The following SOX5 variants were observed in gnomAD, a reference collection of about 807,000 sequenced individuals.
SOX5 encodes the protein SRY-box transcription factor 5.
In SOX5, 9 loss-of-function variants were observed where a neutral mutation model predicts 92.0. The observed-to-expected ratio is 0.10, with a 90% CI of 0.06 to 0.17. The LOEUF (loss-of-function observed/expected upper bound fraction) is 0.17, where lower values mean the gene tolerates loss of function less well. Ranked by LOEUF, SOX5 falls within the 10% of genes least tolerant of loss-of-function variation. The probability of loss-of-function intolerance (pLI) is 1.00; values close to 1 mark genes in which losing one functional copy is unlikely to be tolerated. For synonymous variants in SOX5, 344 were observed against 336.3 expected (o/e 1.02, Z -0.25); for missense variants, 642 against 944.5 (o/e 0.68, Z 4.20).
intron 1 of SOX5, among the ~76,000 whole-genome samples, 173 bp downstream of exon 1, chr12:23,949,391 T>G (rs1208769098): frequency 6.6e-6 from 1 of 152,098 alleles, no homozygotes; most frequent in Non-Finnish European, 1.5e-5. Context: ...GCAAATCAGT[T>G]CAGTTTGGTC....
intron 9 of SOX5, among the ~76,000 whole-genome samples, chr12:23,588,299 T>C (rs1951024394): frequency 6.6e-6 from 1 of 152,054 alleles, no homozygotes; most frequent in Non-Finnish European, 1.5e-5. Flanking sequence ...ATCTTAATTA[T>C]AACGATTTTG....
intron 4 of SOX5, among the ~76,000 whole-genome samples, chr12:24,164,755 T>A (rs1953188228): frequency 1.3e-5 from 2 of 152,082 alleles, no homozygotes; most frequent in Non-Finnish European, 1.5e-5. Context: ...TATTATTGCT[T>A]CATTCCCCTA....
intron 8 of SOX5, among the ~76,000 whole-genome samples, chr12:23,623,574 A>T (rs2077426035): frequency 6.6e-6 from 1 of 152,122 alleles, no homozygotes; most frequent in Non-Finnish European, 1.5e-5. Flanking sequence ...TAAAAGACCT[A>T]CCTAAAGTGA....
At chr12:24,444,152 C>T (rs774887188) in intron 1 of SOX5, among the ~76,000 whole-genome samples, 11 of 152,026 alleles carry the variant, frequency 7.2e-5, no homozygotes, top group Non-Finnish European at 1.3e-4. Context: ...AAGGGAGGGA[C>T]GGGGATCTGT....
chr12:24,297,889 A>G (rs1947460553), intron 2 of SOX5, among the ~76,000 whole-genome samples: 1 of 152,060 alleles, frequency 6.6e-6, no homozygotes. Context: ...TCTACTCCCT[A>G]TTTCCTTAAA....
intron 3 of SOX5, among the ~76,000 whole-genome samples, chr12:23,773,869 A>G (rs917198694): frequency 3.3e-5 from 5 of 152,172 alleles, no homozygotes; most frequent in African/African-American, 1.2e-4. Flanking sequence ...GCAGGTTGCT[A>G]AATAAATCAG....
At chr12:24,048,945 T>C (rs563904380) in intron 4 of SOX5, among the ~76,000 whole-genome samples, 1 of 152,326 alleles carries the variant, frequency 6.6e-6, no homozygotes, top group Admixed American at 6.5e-5. Context: ...ATTGTGGTGA[T>C]GTTTGCACCA....
intron 8 of SOX5, among the ~76,000 whole-genome samples, chr12:23,608,997 G>A (rs868135971): frequency 3.9e-5 from 6 of 152,218 alleles, no homozygotes; most frequent in East Asian, 3.9e-4. Context: ...TGTCACTGTC[G>A]AAGGTGTTAA....
chr12:24,283,772 T>TG (rs1199633575), intron 2 of SOX5, among the ~76,000 whole-genome samples: 1 of 152,208 alleles, frequency 6.6e-6, no homozygotes, highest in Admixed American at 6.5e-5. Context: ...GTATGTTTTT[T>TG]CTTATTATTA....
At chr12:24,447,471 G>A (rs1205633914) in intron 1 of SOX5, among the ~76,000 whole-genome samples, 1 of 152,114 alleles carries the variant, frequency 6.6e-6, no homozygotes, top group African/African-American at 2.4e-5. Context: ...AATGAGACAT[G>A]ACAACTAAAA....
intron 4 of SOX5, among the ~76,000 whole-genome samples, chr12:23,748,037 C>T (rs531302800): frequency 1.5e-4 from 23 of 151,388 alleles, no homozygotes; most frequent in African/African-American, 4.1e-4. Flanking sequence ...GGAGGGCCTT[C>T]GCTGACCACT....
intron 1 of SOX5, among the ~76,000 whole-genome samples, chr12:24,494,647 G>A (rs1459402517): frequency 1.3e-5 from 2 of 152,090 alleles, no homozygotes; most frequent in African/African-American, 4.8e-5. Context: ...ATTTTGTGCT[G>A]ATGTAAATGT....
intron 4 of SOX5, among the ~76,000 whole-genome samples, chr12:24,067,211 T>C (rs1940895811): frequency 6.6e-6 from 1 of 152,184 alleles, no homozygotes; most frequent in African/African-American, 2.4e-5. Context: ...CAGGGTGTGT[T>C]TTTATTTTAT....
chr12:23,904,397 T>C (rs10161021), intron 1 of SOX5, among the ~76,000 whole-genome samples: 6,226 of 152,020 alleles, frequency 0.041, 409 homozygotes, highest in African/African-American at 0.14. Context: ...TGGCATAAAA[T>C]ATAAATTGAA....
Position 23,660,562 on chromosome 12 carries a change from C to T in SOX5, c.931+4882G>A, listed in dbSNP as rs139223904. Among the ~76,000 whole-genome samples the T allele has an allele frequency of 4.3e-3, 659 of 152,178 alleles. 6 individuals carry two copies. The highest frequency in any genetic ancestry group is 0.015 in the African/African-American group (622 of 41,526). On this transcript the variant is annotated intron_variant, in intron 7 of 14. Transcript: ENST00000451604. The stretch of plus-strand genomic sequence containing the variant: ...TATTGAATGCTTGAAATCATATTGA[C>T]AAAGGAATCAATTGGTATAAACAAG...
chr12:23,799,254 A>G lies in SOX5; in HGVS notation c.482-43530T>C, dbSNP rs575821488. ...CATGGATTTGGTAGTGCTGATACTAACAATGATGCTGTAATAACAGGGTAA... is the reference window on the plus strand; with the variant it reads ...CATGGATTTGGTAGTGCTGATACTAGCAATGATGCTGTAATAACAGGGTAA... On this transcript the variant is annotated intron_variant, in intron 3 of 14. Coordinates refer to ENST00000451604, the MANE Select transcript of SOX5 (RefSeq NM_006940.6). 8.5e-5 allele frequency among the ~76,000 whole-genome samples: 13 copies of G among 152,180 alleles called. 1 individual carries two copies. The highest frequency in any genetic ancestry group is 3.4e-3 in the Middle Eastern group (1 of 294).
At chr12:24,115,191 A>C (rs935312866) in intron 4 of SOX5, among the ~76,000 whole-genome samples, 2 of 152,194 alleles carry the variant, frequency 1.3e-5, no homozygotes, top group East Asian at 3.9e-4. Context: ...TAACATTCTT[A>C]AAACAACCCA....
chr12:23,909,177 ATATTAC>A (rs2138310515), intron 1 of SOX5, among the ~76,000 whole-genome samples: 1 of 152,306 alleles, frequency 6.6e-6, no homozygotes, highest in South Asian at 2.1e-4. Flanking sequence ...GCTAACAGTA[ATATTAC>A]TATTAAGTTC....
At chr12:24,247,264 C>CT (rs1350740503) in intron 3 of SOX5, among the ~76,000 whole-genome samples, 4 of 151,312 alleles carry the variant, frequency 2.6e-5, no homozygotes, top group Non-Finnish European at 4.4e-5. Context: ...AAAAAAATGA[C>CT]TATGTGATTC....
Sources: gnomAD v4.1 joint callset for allele counts (sites outside exome capture counted in the v4.1 genomes callset) on GRCh38, gnomAD v4.1.1 for gene constraint, MANE v1.5 for transcripts, NCBI Gene and HGNC (gene_info 2026-07-23, HGNC 2026-07-21) for gene names.